Variants in ZNF644 observed in about 807,000 individuals in gnomAD.
ZNF644 encodes the protein zinc finger motif enhancer binding protein 2.
In ZNF644, 20 loss-of-function variants were observed where a neutral mutation model predicts 108.0. That is an observed-to-expected ratio of 0.19 (90% CI 0.13 to 0.27). The LOEUF (loss-of-function observed/expected upper bound fraction) is 0.27. ZNF644 is among the 10% of genes least tolerant of loss of function. ZNF644 has a pLI of 1.00. For missense variants in ZNF644, 1,338 were observed against 1,548.9 expected (o/e 0.86, Z 2.29); for synonymous variants, 542 against 539.1 (o/e 1.01, Z -0.08).
chr1:91,016,299 A>T (rs1416661729), intron 1 of ZNF644, among the ~76,000 whole-genome samples: 1 of 152,210 alleles, frequency 6.6e-6, no homozygotes, highest in South Asian at 2.1e-4. Flanking sequence ...TTAAGCATGG[A>T]TGTACATTCT....
intron 2 of ZNF644, among the ~76,000 whole-genome samples, chr1:90,954,209 G>C (rs1653495440): frequency 6.6e-6 from 1 of 152,110 alleles, no homozygotes; most frequent in Admixed American, 6.5e-5. Context: ...TTTGATATTG[G>C]AGTCAATCTT....
intron 2 of ZNF644, among the ~76,000 whole-genome samples, chr1:90,952,243 A>T (rs985078743): frequency 6.6e-6 from 1 of 152,256 alleles, no homozygotes; most frequent in African/African-American, 2.4e-5. Context: ...CATTTTCTGT[A>T]ACCTTAATGA....
rs774132025 is a variant in ZNF644, at chr1:90,940,928, C to T, written c.426G>A (p.Gln142=). 6.8e-6 allele frequency: 11 copies of T among 1,614,016 alleles called. No individual in the cohort carries two copies. In the African/African-American group the frequency reaches 1.3e-4, roughly 20 times the overall value. Residue 142 remains glutamine (Q), a synonymous_variant, in exon 3 of 6, where the codon CAG becomes CAA. Transcript: ENST00000337393. ...ATTCTGTTGTTGGCTGATCCACAGG[C>T]TGTCCAGTGGTTAATGAAACACTGC... ...NKGSVSLTTG[Q]PVDQPTTESC... is the part of the protein sequence containing the mutation.
intron 2 of ZNF644, among the ~76,000 whole-genome samples, chr1:90,974,806 C>A (rs564928149): frequency 2.2e-4 from 33 of 152,288 alleles, no homozygotes; most frequent in Admixed American, 2.0e-3. Flanking sequence ...AGAATAAAGT[C>A]ATTTCCTCAC....
At chr1:90,977,948 G>A (rs1167042257) in intron 2 of ZNF644, among the ~76,000 whole-genome samples, 2 of 152,152 alleles carry the variant, frequency 1.3e-5, no homozygotes, top group Non-Finnish European at 1.5e-5. Flanking sequence ...TAACTTATGG[G>A]GAGTATAGTG....
At chr1:90,961,176 AAC>A (rs1654307025) in intron 2 of ZNF644, among the ~76,000 whole-genome samples, 1 of 152,174 alleles carries the variant, frequency 6.6e-6, no homozygotes, top group Admixed American at 6.5e-5. Context: ...GGAATTTAAA[AAC>A]ACAAGAGTAT....
chr1:90,930,804 A>C (rs1650645360), intron 4 of ZNF644, among the ~76,000 whole-genome samples: 1 of 152,212 alleles, frequency 6.6e-6, no homozygotes, highest in Admixed American at 6.5e-5. Flanking sequence ...CTTCTTTACA[A>C]AAGATAACAA....
Position 90,925,328 on chromosome 1 carries a change from G to T in ZNF644, c.3689-7174C>A, listed in dbSNP as rs948611401. Among the ~76,000 whole-genome samples, 5 of 152,212 alleles carry T rather than the reference G, an allele frequency of 3.3e-5. No individual in the cohort carries two copies. The East Asian group carries it at 9.6e-4, about 29-fold the overall frequency. On this transcript the variant is annotated intron_variant, in intron 4 of 5. Coordinates refer to ENST00000337393, the MANE Select transcript of ZNF644 (RefSeq NM_201269.3). The stretch of plus-strand genomic sequence containing the variant: ...AATGTATAGCCAATCGATAGCTTAC[G>T]TTATCTTAATGTAAATTCTTGGTAA...
At chr1:90,969,079 A>C (rs1443621740) in intron 2 of ZNF644, among the ~76,000 whole-genome samples, 2 of 152,254 alleles carry the variant, frequency 1.3e-5, no homozygotes, top group East Asian at 3.8e-4. Context: ...CAACACTTTA[A>C]ATGCAATGTT....
Position 90,939,465 on chromosome 1 carries a change from A to C in ZNF644, c.1889T>G (p.Ile630Ser). ...PLGLDKRKND[I>S]LEEPVDSDST... ...ATCACTATCTACAGGTTCTTCAAGGATGTCATTTTTTCTTTTATCAAGTCC... is the reference window on the plus strand; with the variant it reads ...ATCACTATCTACAGGTTCTTCAAGGCTGTCATTTTTTCTTTTATCAAGTCC... Residue 630 changes from isoleucine (I) to serine (S), a missense_variant, in exon 3 of 6, where the codon ATC becomes AGC. Physicochemically the swap from Ile to Ser is moderately radical, Grantham distance 142. This residue lies in a region of ZNF644 where 462 missense variants were observed against 472.6 expected (regional missense o/e 0.98). Transcript: ENST00000337393. 6.2e-7 allele frequency: 1 copy of C among 1,613,782 alleles called. No individual in the cohort carries two copies. Among genetic ancestry groups the C allele is most frequent in the Non-Finnish European group, 8.5e-7 (1 of 1,179,886 alleles).
chr1:91,020,712 C>T (rs1015039802), intron 1 of ZNF644: 24 of 152,114 alleles, frequency 1.6e-4, no homozygotes, highest in African/African-American at 5.8e-4. Context: ...AAATGTTTTC[C>T]TTCTCATGGG....
intron 1 of ZNF644, among the ~76,000 whole-genome samples, chr1:90,996,278 G>A (rs1192536017): frequency 1.3e-5 from 2 of 152,080 alleles, no homozygotes; most frequent in African/African-American, 4.8e-5. Flanking sequence ...TTCAAAATAA[G>A]AACCTTCGAA....
chr1:91,018,555 A>G (rs1438357197), intron 1 of ZNF644, among the ~76,000 whole-genome samples: 1 of 152,244 alleles, frequency 6.6e-6, no homozygotes, highest in Admixed American at 6.5e-5. Flanking sequence ...AATGGTTAAA[A>G]CAAGTGCTCT....
At chr1:91,012,343 T>C (rs929732543) in intron 1 of ZNF644, among the ~76,000 whole-genome samples, 11 of 150,316 alleles carry the variant, frequency 7.3e-5, no homozygotes, top group African/African-American at 2.7e-4. Flanking sequence ...CCAGGCATGA[T>C]GGCATGCACC....
At chr1:91,021,517 T>A (rs1660909377) in intron 1 of ZNF644, 1 of 152,642 alleles carries the variant, frequency 6.6e-6, no homozygotes. Context: ...TCTCGGCCCC[T>A]TCCCCCTACT....
chr1:90,997,006 C>T (rs776434607), intron 1 of ZNF644, among the ~76,000 whole-genome samples: 1 of 152,068 alleles, frequency 6.6e-6, no homozygotes, highest in Non-Finnish European at 1.5e-5. Flanking sequence ...GGACATTTGT[C>T]AAAAACAATC....
chr1:91,014,703 G>T (rs931778453), intron 1 of ZNF644, among the ~76,000 whole-genome samples: 3 of 152,074 alleles, frequency 2.0e-5, no homozygotes, highest in Non-Finnish European at 4.4e-5. Context: ...CCTTTATATG[G>T]TGGTATGAAT....
intron 4 of ZNF644, among the ~76,000 whole-genome samples, chr1:90,929,267 T>C (rs1650434320): frequency 6.6e-6 from 1 of 152,200 alleles, no homozygotes; most frequent in Non-Finnish European, 1.5e-5. Flanking sequence ...TTAAAGCCAA[T>C]ATGCCATTTA....
chr1:90,990,033 C>T (rs1445562150), intron 1 of ZNF644, among the ~76,000 whole-genome samples: 1 of 152,126 alleles, frequency 6.6e-6, no homozygotes, highest in Non-Finnish European at 1.5e-5. Flanking sequence ...ACCTCAATCA[C>T]CTCAAGGGCA....
Sources: gnomAD v4.1 joint callset for allele counts (sites outside exome capture counted in the v4.1 genomes callset) on GRCh38, gnomAD v4.1.1 for gene constraint, gnomAD v4.1.1 regional missense constraint, MANE v1.5 for transcripts, NCBI Gene and HGNC (gene_info 2026-07-23, HGNC 2026-07-21) for gene names.